Variants in TEX48 observed in about 807,000 individuals in gnomAD.
The protein encoded by TEX48 is testis expressed 48.
In TEX48, 10 loss-of-function variants were observed where a neutral mutation model predicts 13.2. That is an observed-to-expected ratio of 0.75 (90% CI 0.47 to 1.28). The LOEUF is 1.28. Ranked by LOEUF, TEX48 falls within the 50% of genes most tolerant of loss-of-function variation. The pLI, the probability that TEX48 is intolerant of heterozygous loss-of-function variation, is 0.00. For synonymous variants in TEX48, 45 were observed against 52.3 expected, an observed-to-expected ratio of 0.86 and a Z score of 0.60; for missense variants, 116 against 139.4, an observed-to-expected ratio of 0.83 and a Z score of 0.84.
At chr9:114,671,672 T>A in intron 2 of TEX48, 48 bp downstream of exon 2, 1 of 1,535,424 alleles carries the variant, frequency 6.5e-7, no homozygotes, top group Non-Finnish European at 8.7e-7. Context: ...GGCCAGCAGA[T>A]CCTTCTGCCT....
At chr9:114,677,576 G>A (rs762454720) in intron 1 of TEX48, among the ~76,000 whole-genome samples, 4 of 152,140 alleles carry the variant, frequency 2.6e-5, no homozygotes, top group East Asian at 1.9e-4. Context: ...GTAGAAGGAT[G>A]CACTTCATAA....
At chr9:114,667,344 A>G (rs1827859350) in intron 4 of TEX48, among the ~76,000 whole-genome samples, 1 of 152,208 alleles carries the variant, frequency 6.6e-6, no homozygotes, top group Non-Finnish European at 1.5e-5. Flanking sequence ...ACTGGCGCCC[A>G]GCAATGTGGC....
At chr9:114,672,766 T>C (rs1450925165) in intron 1 of TEX48, among the ~76,000 whole-genome samples, 1 of 151,746 alleles carries the variant, frequency 6.6e-6, no homozygotes, top group Non-Finnish European at 1.5e-5. Flanking sequence ...CTTCCAAGGA[T>C]AGGAAAAAAT....
At chr9:114,678,667 T>A (rs1438493887) in intron 1 of TEX48, among the ~76,000 whole-genome samples, 2 of 151,904 alleles carry the variant, frequency 1.3e-5, no homozygotes, top group Non-Finnish European at 2.9e-5. Context: ...CTGGACAACA[T>A]ACCTCATCTC....
intron 3 of TEX48, among the ~76,000 whole-genome samples, chr9:114,670,746 T>C (rs1827932259): frequency 6.6e-6 from 1 of 152,142 alleles, no homozygotes; most frequent in African/African-American, 2.4e-5. Flanking sequence ...TTGTAAACCA[T>C]TGAGATTTCA....
intron 1 of TEX48, among the ~76,000 whole-genome samples, chr9:114,673,892 A>G (rs1324299624): frequency 6.6e-6 from 1 of 151,882 alleles, no homozygotes; most frequent in East Asian, 1.9e-4. Context: ...TGCAGCCTCA[A>G]ACTCCTGGGC....
intron 1 of TEX48, among the ~76,000 whole-genome samples, chr9:114,676,774 GC>G (rs1828080463): frequency 6.6e-6 from 1 of 151,938 alleles, no homozygotes; most frequent in Non-Finnish European, 1.5e-5. Context: ...CTGCCACCAC[GC>G]CTGGCTAATT....
chr9:114,680,533 A>G (rs1828175282), intron 1 of TEX48, among the ~76,000 whole-genome samples: 1 of 152,196 alleles, frequency 6.6e-6, no homozygotes, highest in East Asian at 1.9e-4. Flanking sequence ...TCAAAGAAAA[A>G]ATGAGAAGAA....
intron 1 of TEX48, among the ~76,000 whole-genome samples, chr9:114,676,792 A>AT (rs1589379794): frequency 6.6e-6 from 1 of 151,662 alleles, no homozygotes; most frequent in African/African-American, 2.4e-5. Context: ...AATTTTTTGT[A>AT]TTTTTAGTAG....
chr9:114,676,093 C>T (rs1036308377), intron 1 of TEX48, among the ~76,000 whole-genome samples: 7 of 152,228 alleles, frequency 4.6e-5, no homozygotes, highest in African/African-American at 1.2e-4. Flanking sequence ...CTTGTTGAAA[C>T]GTTGTCTTGT....
chr9:114,673,194 C>A (rs1343764184), intron 1 of TEX48, among the ~76,000 whole-genome samples: 1 of 151,990 alleles, frequency 6.6e-6, no homozygotes, highest in Non-Finnish European at 1.5e-5. Flanking sequence ...TCACAACGAC[C>A]GGGCGCGGTG....
At chr9:114,678,132 G>T (rs966860538) in intron 1 of TEX48, among the ~76,000 whole-genome samples, 1 of 152,054 alleles carries the variant, frequency 6.6e-6, no homozygotes, top group Non-Finnish European at 1.5e-5. Flanking sequence ...TAAATAGAAG[G>T]CTTCTTTGTC....
intron 1 of TEX48, among the ~76,000 whole-genome samples, chr9:114,679,133 G>A (rs1828136403): frequency 6.6e-6 from 1 of 151,886 alleles, no homozygotes; most frequent in South Asian, 2.1e-4. Context: ...AACAAAAAGT[G>A]TAAGTAAAAG....
Position 114,666,610 on chromosome 9 carries a change from C to A in TEX48, c.*33G>T, listed in dbSNP as rs1280385164. On this transcript the variant is annotated 3_prime_UTR_variant, in exon 5 of 5. Coordinates refer to ENST00000436752, the MANE Select transcript of TEX48 (RefSeq NM_001199233.2). ...CACCGCCCTCTTCCTCATGGAGATG[C>A]CCCAGCAGCTGTGCAGCCGCCGGCT... is the stretch of plus-strand genomic sequence containing the variant. The A allele has an allele frequency of 2.4e-5, 31 of 1,267,428 alleles. No homozygotes were observed. Among genetic ancestry groups the A allele is most frequent in the Middle Eastern group, 2.0e-4 (1 of 5,032 alleles). The allele number at this position is 1,267,428 out of a possible 1,614,324, so 78.5% of individuals were successfully genotyped here. A position where few individuals can be genotyped will look rare whatever the true frequency, so the allele number is the denominator to read the frequency against.
At chr9:114,681,887 A>AGT (rs1828208084) in intron 1 of TEX48, 148 bp downstream of exon 1, 1 of 152,194 alleles carries the variant, frequency 6.6e-6, no homozygotes, top group African/African-American at 2.4e-5. Context: ...AGAGAGAGAG[A>AGT]AACAGTGAGG....
intron 3 of TEX48, among the ~76,000 whole-genome samples, chr9:114,670,103 T>TTCTTAGA (rs1827917621): frequency 2.0e-5 from 3 of 152,224 alleles, no homozygotes; most frequent in African/African-American, 7.2e-5. Context: ...ATTTGAATAC[T>TTCTTAGA]AATGTCTGCT....
intron 1 of TEX48, among the ~76,000 whole-genome samples, chr9:114,672,399 TC>T (rs1827965581): frequency 1.3e-5 from 2 of 152,238 alleles, no homozygotes; most frequent in Non-Finnish European, 2.9e-5. Context: ...CTTGCTTTAG[TC>T]CCAGATCCCT....
intron 1 of TEX48, among the ~76,000 whole-genome samples, chr9:114,674,756 C>G (rs532063947): frequency 2.0e-5 from 3 of 151,568 alleles, no homozygotes; most frequent in Admixed American, 6.6e-5. Flanking sequence ...TCATGGTTCA[C>G]TGCAGCCTTG....
At position 114,678,838 on chromosome 9, in the gene TEX48, C is replaced by CAAA. The variant is rs34355690; in HGVS notation, c.-105+3194_-105+3196dup. 3.4e-3 allele frequency among the ~76,000 whole-genome samples: 242 copies of CAAA among 70,748 alleles called. 3 individuals are homozygous for CAAA. Among genetic ancestry groups the CAAA allele is most frequent in the East Asian group, 0.013 (31 of 2,404 alleles). The allele number at this position is 70,748 out of a possible 152,430, so 46.4% of individuals were successfully genotyped here. On this transcript the variant is annotated intron_variant, in intron 1 of 4. Coordinates refer to ENST00000436752, the MANE Select transcript of TEX48 (RefSeq NM_001199233.2). ...GCCCAGGCAACAGGAGATCCTGACT[C>CAAA]AAAAAAAAAAAAAAAAAAAAATTGT...
Sources: allele counts gnomAD v4.1 joint callset (sites outside exome capture counted in the v4.1 genomes callset), GRCh38; gene constraint gnomAD v4.1.1; transcripts MANE v1.5; gene names NCBI Gene and HGNC (gene_info 2026-07-23, HGNC 2026-07-21).